Variants in TTLL7 observed in about 807,000 individuals in gnomAD.
TTLL7 encodes tubulin tyrosine ligase like 7, also known as tubulin polyglutamylase TTLL7.
In TTLL7, 53 loss-of-function variants were observed where a neutral mutation model predicts 120.2. The ratio of observed to expected loss-of-function variants is 0.44; its 90% CI spans 0.35 to 0.55. The LOEUF is 0.55. Ranked by LOEUF, TTLL7 falls within the 20% of genes least tolerant of loss-of-function variation. The pLI is 0.00. For missense variants in TTLL7, 803 were observed against 1,054.7 expected, an observed-to-expected ratio of 0.76 and a Z score of 3.31; for synonymous variants, 353 against 351.7, an observed-to-expected ratio of 1.00 and a Z score of -0.04.
intron 1 of TTLL7, among the ~76,000 whole-genome samples, chr1:83,964,674 C>CTG (rs1276276582): frequency 6.6e-6 from 1 of 152,080 alleles, no homozygotes; most frequent in Admixed American, 6.6e-5. Context: ...AGCTTTGCAG[C>CTG]TTTCAGAGCT....
At chr1:83,914,323 C>CTTTTTTTTTT (rs1171299360) in intron 14 of TTLL7, among the ~76,000 whole-genome samples, 33 of 78,250 alleles carry the variant, frequency 4.2e-4, no homozygotes, top group Non-Finnish European at 5.6e-4. Flanking sequence ...CTCTCTCTCT[C>CTTTTTTTTTT]TTTTTTTTTT....
chr1:83,997,982 G>A (rs1192221553), intron 1 of TTLL7, among the ~76,000 whole-genome samples: 2 of 152,140 alleles, frequency 1.3e-5, no homozygotes, highest in African/African-American at 4.8e-5. Context: ...TCATATTGAA[G>A]GAGCAATAAT....
intron 1 of TTLL7, among the ~76,000 whole-genome samples, chr1:83,959,226 C>CAATT (rs2100879163): frequency 6.6e-6 from 1 of 152,312 alleles, no homozygotes; most frequent in Non-Finnish European, 1.5e-5. Flanking sequence ...TGAGGCCCAT[C>CAATT]AATTAACAAG....
At chr1:83,882,848 TCA>T (rs1399727814) in intron 20 of TTLL7, 113 bp downstream of exon 20, 1 of 1,210,908 alleles carries the variant, frequency 8.3e-7, no homozygotes, top group Non-Finnish European at 1.2e-6. Flanking sequence ...GTATGAACTT[TCA>T]GTCTTTAGCT....
At chr1:83,981,861 TG>T (rs1651999848) in intron 1 of TTLL7, among the ~76,000 whole-genome samples, 1 of 150,112 alleles carries the variant, frequency 6.7e-6, no homozygotes, top group Admixed American at 6.6e-5. Context: ...CGAAGTTAGC[TG>T]GGGATTTCAA....
chr1:83,883,030 C>T lies in TTLL7; in HGVS notation c.2476G>A (p.Val826Ile). 3 of 1,612,738 alleles carry T rather than the reference C, an allele frequency of 1.9e-6. No homozygotes were observed. The highest frequency in any genetic ancestry group is 2.5e-6 in the Non-Finnish European group (3 of 1,179,220). The change falls in exon 20 of 21, where the codon GTT becomes ATT. Residue 826 changes from valine to isoleucine, a missense_variant. Physicochemically the swap from Val to Ile is conservative, Grantham distance 29. Transcript: ENST00000260505. ...VELCKQCLLV[V>I]YKYATDKRGS... ...CTTTTGTCAGTTGCATATTTGTAAACCACTAGCAGGCACTGTTTACAAAGC... is the reference window on the plus strand; with the variant it reads ...CTTTTGTCAGTTGCATATTTGTAAATCACTAGCAGGCACTGTTTACAAAGC...
chr1:83,947,099 A>G (rs1321977650), intron 6 of TTLL7, 25 bp downstream of exon 6: 3 of 1,546,706 alleles, frequency 1.9e-6, no homozygotes, highest in South Asian at 1.3e-5. Flanking sequence ...TTATTTTTAT[A>G]TATTCCAAAT....
At chr1:83,879,026 G>A (rs1654207275) in intron 20 of TTLL7, among the ~76,000 whole-genome samples, 1 of 151,358 alleles carries the variant, frequency 6.6e-6, no homozygotes, top group African/African-American at 2.4e-5. Context: ...AATTATTTAG[G>A]TATACTTCAT....
intron 20 of TTLL7, among the ~76,000 whole-genome samples, chr1:83,871,971 C>T (rs1015061308): frequency 1.4e-5 from 2 of 147,630 alleles, no homozygotes; most frequent in African/African-American, 5.0e-5. Context: ...ACATGAAAAA[C>T]GGAGGGCCAA....
At chr1:83,924,901 G>A (rs1447624400) in intron 10 of TTLL7, among the ~76,000 whole-genome samples, 2 of 152,098 alleles carry the variant, frequency 1.3e-5, no homozygotes, top group Non-Finnish European at 2.9e-5. Flanking sequence ...GAAATGATGA[G>A]GTTGGAAAGA....
At chr1:83,915,139 C>T (rs924005022) in intron 14 of TTLL7, among the ~76,000 whole-genome samples, 24 of 151,994 alleles carry the variant, frequency 1.6e-4, no homozygotes, top group Admixed American at 1.4e-3. Context: ...AACAACAAGT[C>T]AATGACTTTT....
intron 18 of TTLL7, among the ~76,000 whole-genome samples, chr1:83,899,283 G>T (rs1656505315): frequency 6.6e-6 from 1 of 151,836 alleles, no homozygotes; most frequent in South Asian, 2.1e-4. Context: ...ACTGTTTTGG[G>T]AAGGCCTCTT....
intron 18 of TTLL7, among the ~76,000 whole-genome samples, chr1:83,903,487 G>A (rs1341630997): frequency 6.6e-6 from 1 of 151,792 alleles, no homozygotes; most frequent in Non-Finnish European, 1.5e-5. Flanking sequence ...CTGGCGTCAG[G>A]ACCCCCACTC....
At chr1:83,892,633 A>T (rs867087667) in intron 18 of TTLL7, among the ~76,000 whole-genome samples, 6 of 145,712 alleles carry the variant, frequency 4.1e-5, no homozygotes, top group African/African-American at 1.3e-4. Flanking sequence ...TGAACATATG[A>T]ATGAACATAT....
chr1:83,940,004 C>A (rs779305860), intron 7 of TTLL7, among the ~76,000 whole-genome samples: 1 of 152,084 alleles, frequency 6.6e-6, no homozygotes, highest in Non-Finnish European at 1.5e-5. Flanking sequence ...ATATCTCAAC[C>A]TAGAAATTCA....
At chr1:83,984,795 C>T (rs944203814) in intron 1 of TTLL7, among the ~76,000 whole-genome samples, 4 of 151,876 alleles carry the variant, frequency 2.6e-5, no homozygotes, top group East Asian at 1.9e-4. Flanking sequence ...GGGAGGGGGA[C>T]GTGGGCTGAA....
At chr1:83,880,744 T>C (rs1186702440) in intron 20 of TTLL7, among the ~76,000 whole-genome samples, 3 of 152,070 alleles carry the variant, frequency 2.0e-5, no homozygotes, top group East Asian at 3.9e-4. Context: ...AAAACTACTT[T>C]AAAGTTCATA....
At chr1:83,894,948 G>C (rs879298785) in intron 18 of TTLL7, among the ~76,000 whole-genome samples, 7 of 151,998 alleles carry the variant, frequency 4.6e-5, no homozygotes, top group Non-Finnish European at 1.0e-4. Context: ...ACAGACTGAG[G>C]GAACAGGAAC....
At chr1:83,998,375 C>A (rs999625751) in intron 1 of TTLL7, among the ~76,000 whole-genome samples, 5 of 152,114 alleles carry the variant, frequency 3.3e-5, no homozygotes, top group African/African-American at 2.4e-5. Flanking sequence ...CATAGGGTAT[C>A]TTTTACATCA....
Sources: allele counts gnomAD v4.1 joint callset (sites outside exome capture counted in the v4.1 genomes callset), GRCh38; gene constraint gnomAD v4.1.1; transcripts MANE v1.5; gene names NCBI Gene and HGNC (gene_info 2026-07-23, HGNC 2026-07-21).